FBLN2: variants seen among roughly 807,000 people sequenced by gnomAD.
FBLN2 encodes fibulin 2, also known as fibulin-2.
A neutral mutation model predicts 123.7 loss-of-function variants in FBLN2; 81 were observed. That is an observed-to-expected ratio of 0.65 (90% CI 0.55 to 0.79). The LOEUF (loss-of-function observed/expected upper bound fraction) is 0.79. Among genes scored for constraint, FBLN2 ranks in the 30% least tolerant of loss-of-function variants. The pLI is 0.00. For synonymous variants in FBLN2, 699 were observed against 701.4 expected (o/e 1.00, Z 0.05); for missense variants, 1,603 against 1,681.3 (o/e 0.95, Z 0.81).
In FBLN2 at chr3:13,570,668, G is replaced by C; in HGVS notation, c.313G>C (p.Gly105Arg). 1.3e-6 allele frequency: 2 copies of C among 1,584,380 alleles called. No individual in the cohort carries two copies. Among genetic ancestry groups the C allele is most frequent in the Non-Finnish European group, 8.6e-7 (1 of 1,166,476 alleles). Residue 105 changes from glycine (G) to arginine (R), a missense_variant, in exon 2 of 18, where the codon GGC (glycine) becomes CGC (arginine). Gly to Arg is a moderately radical substitution (Grantham distance 125). Coordinates refer to ENST00000404922, the MANE Select transcript of FBLN2 (RefSeq NM_001004019.2). ...STECSCPPGG[G>R]KISCQFMLCP... Reference sequence around the variant, plus strand: ...TGAGTGCTCCTGCCCACCAGGCGGCGGCAAGATCAGCTGCCAGTTCATGCT... The same window carrying C: ...TGAGTGCTCCTGCCCACCAGGCGGCCGCAAGATCAGCTGCCAGTTCATGCT...
intron 2 of FBLN2, among the ~76,000 whole-genome samples, chr3:13,602,470 T>G (rs1261789208): frequency 6.6e-6 from 1 of 152,232 alleles, no homozygotes; most frequent in East Asian, 1.9e-4. Flanking sequence ...ACAGTTACAC[T>G]TTGCTTTGGT....
intron 1 of FBLN2, among the ~76,000 whole-genome samples, chr3:13,563,728 A>G (rs1053518757): frequency 6.6e-6 from 1 of 152,188 alleles, no homozygotes; most frequent in African/African-American, 2.4e-5. Flanking sequence ...CAGCTGACCT[A>G]CTGAGGCCAA....
chr3:13,621,715 C>T, intron 8 of FBLN2, 60 bp from the exon 9 acceptor site: 6 of 1,587,684 alleles, frequency 3.8e-6, no homozygotes, highest in Admixed American at 1.7e-5. Flanking sequence ...ACTGGATGCT[C>T]CGTGGCAGCC....
intron 2 of FBLN2, among the ~76,000 whole-genome samples, chr3:13,601,450 CAGAGA>C (rs2124870786): frequency 6.6e-6 from 1 of 152,304 alleles, no homozygotes; most frequent in Admixed American, 6.5e-5. Context: ...TCAGTGACCA[CAGAGA>C]CTGAAGTCAG....
intron 2 of FBLN2, among the ~76,000 whole-genome samples, chr3:13,598,645 G>A (rs1393483147): frequency 6.6e-6 from 1 of 152,178 alleles, no homozygotes; most frequent in Non-Finnish European, 1.5e-5. Context: ...TACATGAGAT[G>A]ATATACACCA....
intron 2 of FBLN2, among the ~76,000 whole-genome samples, chr3:13,589,301 C>A (rs1486579187): frequency 6.6e-6 from 1 of 152,182 alleles, no homozygotes; most frequent in Non-Finnish European, 1.5e-5. Context: ...TGAGGCTTGT[C>A]CATGGGTCCT....
chr3:13,570,264 G>A, intron 1 of FBLN2, 51 bp from the exon 2 acceptor site: 1 of 1,438,078 alleles, frequency 7.0e-7, no homozygotes, highest in Non-Finnish European at 9.1e-7. Flanking sequence ...TGTGCACCGT[G>A]TCTGTGTGTG....
chr3:13,569,243 G>A (rs901081964), intron 1 of FBLN2, among the ~76,000 whole-genome samples: 1 of 152,178 alleles, frequency 6.6e-6, no homozygotes, highest in Admixed American at 6.5e-5. Context: ...AAGGGCCTGT[G>A]GGAGGGTCGG....
In FBLN2 at chr3:13,626,435, C is replaced by G. The variant is rs1193361587; in HGVS notation, c.2297-10C>G. ...CTCTGCAGCCTCTGATGGCCTCGCT[C>G]TCCCTGCAGACATCAACGAGTGTGT... On this transcript the variant is annotated splice_polypyrimidine_tract_variant and intron_variant, in intron 9 of 17. Transcript: ENST00000404922. 1.9e-6 allele frequency: 3 copies of G among 1,570,788 alleles called. No individual in the cohort carries two copies. Among genetic ancestry groups the G allele is most frequent in the Non-Finnish European group, 2.6e-6 (3 of 1,154,868 alleles).
intron 2 of FBLN2, among the ~76,000 whole-genome samples, chr3:13,587,014 G>A (rs1704528810): frequency 6.6e-6 from 1 of 151,140 alleles, no homozygotes; most frequent in Admixed American, 6.6e-5. Flanking sequence ...TCACAGTGGC[G>A]CAGGGCTGTA....
At chr3:13,555,400 A>T (rs1220803613) in intron 1 of FBLN2, among the ~76,000 whole-genome samples, 1 of 152,092 alleles carries the variant, frequency 6.6e-6, no homozygotes, top group Non-Finnish European at 1.5e-5. Context: ...GCCCTGCCAC[A>T]GCCTTGAGCC....
In FBLN2 at chr3:13,637,474, C is replaced by G. The variant is rs1706516639; in HGVS notation, c.3339-88C>G. 3.2e-6 allele frequency: 4 copies of G among 1,246,232 alleles called. No homozygotes were observed. In the African/African-American group the frequency reaches 4.5e-5, roughly 14 times the overall value. 77.2% of individuals were successfully genotyped at this position (1,246,232 alleles called of 1,614,324 possible). On this transcript the variant is annotated intron_variant, in intron 17 of 17. Coordinates refer to ENST00000404922, the MANE Select transcript of FBLN2 (RefSeq NM_001004019.2). The stretch of plus-strand genomic sequence containing the variant: ...ATTAGGGAGAGAGCTGGCCCTTGAT[C>G]CTGCCGCTGAGCTGTGCCATCTGTG...
chr3:13,552,285 A>G lies in FBLN2; in HGVS notation c.-42+3077A>G, dbSNP rs572816590. Among the ~76,000 whole-genome samples the G allele has an allele frequency of 1.6e-4, 25 of 152,216 alleles. No homozygotes were observed. The East Asian group carries it at 4.6e-3, about 28-fold the overall frequency. ...GGGCTTGGATTAGGGCAGTGGCAGCATTGGAGGTGAGAGTGGTCAGATTTG... is the reference window on the plus strand; with the variant it reads ...GGGCTTGGATTAGGGCAGTGGCAGCGTTGGAGGTGAGAGTGGTCAGATTTG... On this transcript the variant is annotated intron_variant, in intron 1 of 17. Transcript: ENST00000404922.
At chr3:13,601,579 G>A (rs1231729723) in intron 2 of FBLN2, among the ~76,000 whole-genome samples, 1 of 152,164 alleles carries the variant, frequency 6.6e-6, no homozygotes, top group Non-Finnish European at 1.5e-5. Context: ...CACTGATCCC[G>A]GCCTCCGACA....
At chr3:13,567,102 T>C (rs77762315) in intron 1 of FBLN2, among the ~76,000 whole-genome samples, 13,051 of 151,278 alleles carry the variant, frequency 0.086, 746 homozygotes, top group South Asian at 0.19. Context: ...ATGGACAGAA[T>C]GTGATGCTGG....
chr3:13,603,449 C>T (rs769483202), intron 2 of FBLN2, among the ~76,000 whole-genome samples: 4 of 144,926 alleles, frequency 2.8e-5, no homozygotes, highest in Non-Finnish European at 6.0e-5. Flanking sequence ...CAAGTGTGCT[C>T]ATTGTTCAAT....
rs1705266054 is a variant in FBLN2 at position 13,608,076 on chromosome 3, C to G, written c.1321C>G (p.Leu441Val). The change falls in exon 3 of 18, where the codon CTG becomes GTG. Residue 441 changes from leucine (L) to valine (V), a missense_variant. Coordinates refer to ENST00000404922, the MANE Select transcript of FBLN2 (RefSeq NM_001004019.2). ...RSSPEGSTKD[L>V]IETCCAAGQQ... is the part of the protein sequence containing the mutation. ...GCTATCCACAGGCTCCACCAAGGAC[C>G]TGATCGAGACTTGCTGCGCAGCCGG... is the stretch of plus-strand genomic sequence containing the variant. The G allele has an allele frequency of 6.3e-7, 1 of 1,584,276 alleles. No homozygotes were observed. Among genetic ancestry groups the G allele is most frequent in the South Asian group, 1.2e-5 (1 of 86,132 alleles).
chr3:13,629,342 T>G, intron 13 of FBLN2, 50 bp downstream of exon 13: 1 of 1,534,936 alleles, frequency 6.5e-7, no homozygotes. Context: ...GCTGGTCCCC[T>G]GCCCTCTGTG....
At chr3:13,567,069 C>T (rs554907301) in intron 1 of FBLN2, among the ~76,000 whole-genome samples, 4 of 152,248 alleles carry the variant, frequency 2.6e-5, no homozygotes, top group African/African-American at 7.2e-5. Flanking sequence ...ATGGGCAAGC[C>T]TGAGGTTTGG....
Sources: gnomAD v4.1 joint callset for allele counts (sites outside exome capture counted in the v4.1 genomes callset) on GRCh38, gnomAD v4.1.1 for gene constraint, MANE v1.5 for transcripts, NCBI Gene and HGNC (gene_info 2026-07-23, HGNC 2026-07-21) for gene names.